The following PKIB variants were observed in gnomAD, a reference collection of about 807,000 sequenced individuals.
The protein encoded by PKIB is cAMP-dependent protein kinase inhibitor beta, also known as PKI-beta.
PKIB carries 2 observed loss-of-function variants against 4.5 expected under a neutral mutation model. That is an observed-to-expected ratio of 0.44 (90% confidence interval 0.18 to 1.39). The LOEUF (loss-of-function observed/expected upper bound fraction) is 1.39. Ranked by LOEUF, PKIB falls within the 40% of genes most tolerant of loss-of-function variation. The probability of loss-of-function intolerance (pLI) is 0.27; values close to 1 mark genes in which losing one functional copy is unlikely to be tolerated. For synonymous variants in PKIB, 38 were observed against 36.0 expected (o/e 1.06, Z -0.20); for missense variants, 94 against 92.6 (o/e 1.02, Z -0.06).
At chr6:122,509,478 T>G (rs980525718) in intron 2 of PKIB, among the ~76,000 whole-genome samples, 1 of 151,944 alleles carries the variant, frequency 6.6e-6, no homozygotes, top group Non-Finnish European at 1.5e-5. Context: ...TTGCCCAGGC[T>G]GGAGTCCAGT....
At chr6:122,544,395 T>C (rs1323031472) in intron 2 of PKIB, among the ~76,000 whole-genome samples, 1 of 151,748 alleles carries the variant, frequency 6.6e-6, no homozygotes, top group African/African-American at 2.4e-5. Context: ...AAAAAAAAAT[T>C]CTAGCTAAAT....
chr6:122,579,363 A>G (rs750615123), intron 2 of PKIB, among the ~76,000 whole-genome samples: 2 of 152,022 alleles, frequency 1.3e-5, no homozygotes, highest in South Asian at 2.1e-4. Context: ...GCCCTAACCT[A>G]TCTTCATCCC....
intron 2 of PKIB, among the ~76,000 whole-genome samples, chr6:122,509,184 C>G (rs939358964): frequency 1.3e-5 from 2 of 152,156 alleles, no homozygotes; most frequent in African/African-American, 4.8e-5. Flanking sequence ...AAAACAGTTA[C>G]AGTTCCTTTT....
chr6:122,492,627 T>A (rs1283177978), intron 2 of PKIB, among the ~76,000 whole-genome samples: 1 of 152,194 alleles, frequency 6.6e-6, no homozygotes, highest in African/African-American at 2.4e-5. Context: ...GTTTGACTTA[T>A]TATTTTTATA....
At chr6:122,712,945 G>A (rs1057194215) in intron 3 of PKIB, among the ~76,000 whole-genome samples, 6 of 151,984 alleles carry the variant, frequency 3.9e-5, no homozygotes, top group African/African-American at 7.2e-5. Context: ...CAGGCTCTTC[G>A]GGGCCCACTG....
At chr6:122,501,943 T>A (rs1184253724) in intron 2 of PKIB, among the ~76,000 whole-genome samples, 6 of 151,128 alleles carry the variant, frequency 4.0e-5, no homozygotes, top group African/African-American at 1.5e-4. Flanking sequence ...TTTTTTTTTT[T>A]TTTTTTAATT....
intron 3 of PKIB, among the ~76,000 whole-genome samples, chr6:122,706,893 A>G (rs1022872147): frequency 1.3e-5 from 2 of 152,172 alleles, no homozygotes; most frequent in African/African-American, 4.8e-5. Flanking sequence ...TTCCCTTAAA[A>G]TGTTTTTCTG....
At chr6:122,528,748 T>A (rs1331053726) in intron 2 of PKIB, among the ~76,000 whole-genome samples, 1 of 152,054 alleles carries the variant, frequency 6.6e-6, no homozygotes, top group Non-Finnish European at 1.5e-5. Flanking sequence ...AATAACTAGC[T>A]GGGCATGGTG....
At chr6:122,547,643 A>T (rs1772536059) in intron 2 of PKIB, among the ~76,000 whole-genome samples, 1 of 152,072 alleles carries the variant, frequency 6.6e-6, no homozygotes. Flanking sequence ...CGGCCTATTC[A>T]GCAGCTTTCT....
At chr6:122,668,423 G>T (rs116688490) in intron 2 of PKIB, among the ~76,000 whole-genome samples, 9 of 152,158 alleles carry the variant, frequency 5.9e-5, no homozygotes, top group Non-Finnish European at 1.3e-4. Context: ...AAGTGAATTA[G>T]TATGATCGAC....
At chr6:122,720,309 T>C (rs1194571080) in intron 4 of PKIB, among the ~76,000 whole-genome samples, 1 of 152,200 alleles carries the variant, frequency 6.6e-6, no homozygotes, top group Non-Finnish European at 1.5e-5. Context: ...CTATCCCTTA[T>C]AAATTGATAA....
At chr6:122,619,376 A>T (rs1284501736) in intron 1 of PKIB, among the ~76,000 whole-genome samples, 1 of 152,146 alleles carries the variant, frequency 6.6e-6, no homozygotes, top group Non-Finnish European at 1.5e-5. Context: ...TTTAGTAAGA[A>T]ATAAAGTGGG....
At position 122,700,259 on chromosome 6, in the gene PKIB, T is replaced by C. The variant is rs1351218333; in HGVS notation, c.-8-17528T>C. Among the ~76,000 whole-genome samples the C allele has an allele frequency of 7.5e-3, 1,052 of 139,666 alleles. 11 individuals carry two copies. The highest frequency in any genetic ancestry group is 0.027 in the South Asian group (119 of 4,328). The allele number at this position is 139,666 out of a possible 152,430, so 91.6% of individuals were successfully genotyped here. A position where few individuals can be genotyped will look rare whatever the true frequency, so the allele number is the denominator to read the frequency against. The stretch of plus-strand genomic sequence containing the variant: ...TAAAATTTCTTTTCTTTCTTTTTTT[T>C]TTTTTTTTTTTTTTTAGTGGTGGTC... On this transcript the variant is annotated intron_variant, in intron 3 of 4. Coordinates refer to ENST00000368452, the MANE Select transcript of PKIB (RefSeq NM_181795.3).
chr6:122,616,542 C>G (rs1421096903), intron 1 of PKIB, among the ~76,000 whole-genome samples: 1 of 152,050 alleles, frequency 6.6e-6, no homozygotes, highest in African/African-American at 2.4e-5. Flanking sequence ...AAGCCTTTGT[C>G]CTATCTTTAG....
At chr6:122,602,955 CAAAA>C (rs71021410) in intron 3 of PKIB, among the ~76,000 whole-genome samples, 2 of 74,876 alleles carry the variant, frequency 2.7e-5, no homozygotes, top group Non-Finnish European at 2.4e-5. Flanking sequence ...GACTGCGTCT[CAAAA>C]AAAAAAAAAA....
chr6:122,471,948 C>T (rs1435270221), exon 1 of PKIB: 9 of 1,141,782 alleles, frequency 7.9e-6, no homozygotes, highest in African/African-American at 6.3e-5. Flanking sequence ...GACGACACGG[C>T]TGTCTTCTTT....
At position 122,705,448 on chromosome 6, in the gene PKIB, T is replaced by A. The variant is rs575940703; in HGVS notation, c.-8-12339T>A. 3.3e-5 allele frequency among the ~76,000 whole-genome samples: 5 copies of A among 152,326 alleles called. No homozygotes were observed. In the South Asian group the frequency reaches 1.0e-3, roughly 32 times the overall value. On this transcript the variant is annotated intron_variant, in intron 3 of 4. Transcript: ENST00000368452. The stretch of plus-strand genomic sequence containing the variant: ...ATTCTCAGTCTGTAGCATTTTCATA[T>A]AAATTTTTGGAATCAGCTTATTACT...
At chr6:122,672,420 C>T (rs747503973) in intron 2 of PKIB, among the ~76,000 whole-genome samples, 1 of 152,216 alleles carries the variant, frequency 6.6e-6, no homozygotes. Context: ...TGTGTTTCTA[C>T]TGTGATAAAT....
chr6:122,708,925 G>A (rs1055621307), intron 3 of PKIB, among the ~76,000 whole-genome samples: 6 of 152,112 alleles, frequency 3.9e-5, no homozygotes, highest in African/African-American at 7.2e-5. Context: ...GAGCCATCAC[G>A]CCCAGCTGCG....
Sources: gnomAD v4.1 joint callset for allele counts (sites outside exome capture counted in the v4.1 genomes callset) on GRCh38, gnomAD v4.1.1 for gene constraint, MANE v1.5 for transcripts, NCBI Gene and HGNC (gene_info 2026-07-23, HGNC 2026-07-21) for gene names.